USP15: variants seen among roughly 807,000 people sequenced by gnomAD.
USP15 encodes ubiquitin carboxyl-terminal hydrolase 15.
USP15 carries 18 observed loss-of-function variants against 127.1 expected under a neutral mutation model. The ratio of observed to expected loss-of-function variants is 0.14; its 90% CI spans 0.10 to 0.21. USP15 has a LOEUF of 0.21. Ranked by LOEUF, USP15 falls within the 10% of genes least tolerant of loss-of-function variation. The pLI is 1.00. For synonymous variants in USP15, 364 were observed against 393.7 expected, an observed-to-expected ratio of 0.92 and a Z score of 0.89; for missense variants, 805 against 1,159.9, an observed-to-expected ratio of 0.69 and a Z score of 4.44.
At chr12:62,375,549 A>G (rs2066800781) in intron 8 of USP15, among the ~76,000 whole-genome samples, 1 of 152,174 alleles carries the variant, frequency 6.6e-6, no homozygotes, top group Admixed American at 6.6e-5. Context: ...ACGGAGTTCG[A>G]GGTATCAAGT....
intron 20 of USP15, among the ~76,000 whole-genome samples, chr12:62,397,416 T>G (rs149645385): frequency 1.1e-3 from 166 of 152,370 alleles, no homozygotes; most frequent in African/African-American, 3.8e-3. Context: ...TTCAGTTTTC[T>G]TTTTCCTTTT....
At chr12:62,339,816 T>C (rs935503844) in intron 6 of USP15, among the ~76,000 whole-genome samples, 8 of 152,260 alleles carry the variant, frequency 5.3e-5, no homozygotes, top group Non-Finnish European at 1.2e-4. Flanking sequence ...TTTGCATCAA[T>C]GTGCATCAGG....
At chr12:62,265,584 T>A (rs1451454825) in intron 1 of USP15, among the ~76,000 whole-genome samples, 1 of 152,206 alleles carries the variant, frequency 6.6e-6, no homozygotes, top group Non-Finnish European at 1.5e-5. Context: ...TCTCGCTTCA[T>A]CACCCAGGCT....
intron 1 of USP15, among the ~76,000 whole-genome samples, chr12:62,289,164 A>G (rs960996832): frequency 1.3e-5 from 2 of 152,050 alleles, no homozygotes; most frequent in Non-Finnish European, 2.9e-5. Flanking sequence ...GATTGGTACA[A>G]GTTCTTTGTA....
In USP15 at chr12:62,391,440, G is replaced by T. The variant is rs563049787; in HGVS notation, c.2233+11G>T. On this transcript the variant is annotated intron_variant, in intron 16 of 21. Transcript: ENST00000280377. ...AGCTTAGGCTAGATGGTAAGTATTTGTGAAAAATGGCTTGAACATTAAACA... is the reference window on the plus strand; with the variant it reads ...AGCTTAGGCTAGATGGTAAGTATTTTTGAAAAATGGCTTGAACATTAAACA... The T allele has an allele frequency of 3.1e-6, 5 of 1,587,306 alleles. No homozygotes were observed. The highest frequency in any genetic ancestry group is 3.4e-6 in the Non-Finnish European group (4 of 1,172,184).
intron 1 of USP15, chr12:62,278,567 A>G (rs1325905729): frequency 6.6e-6 from 1 of 152,146 alleles, no homozygotes; most frequent in East Asian, 1.9e-4. Context: ...GGGCTTTTTT[A>G]GGTACATTAT....
intron 8 of USP15, among the ~76,000 whole-genome samples, chr12:62,366,187 G>A (rs1405819733): frequency 1.3e-5 from 2 of 152,176 alleles, no homozygotes; most frequent in Non-Finnish European, 2.9e-5. Context: ...CATGAGCATG[G>A]AATGTTTTTC....
At chr12:62,295,568 A>G (rs2064105899) in intron 2 of USP15, among the ~76,000 whole-genome samples, 1 of 152,246 alleles carries the variant, frequency 6.6e-6, no homozygotes, top group South Asian at 2.1e-4. Flanking sequence ...GTCAATCTTA[A>G]AAACAAATCT....
At chr12:62,369,568 T>C (rs2066594368) in intron 8 of USP15, among the ~76,000 whole-genome samples, 1 of 152,124 alleles carries the variant, frequency 6.6e-6, no homozygotes, top group Non-Finnish European at 1.5e-5. Context: ...ACCTAAAATA[T>C]CTTGAGCAAT....
chr12:62,266,004 G>A (rs1237614751), intron 1 of USP15, among the ~76,000 whole-genome samples: 6 of 152,092 alleles, frequency 3.9e-5, no homozygotes, highest in Non-Finnish European at 8.8e-5. Context: ...AGATATGATA[G>A]AACATGTAGG....
Position 62,389,804 on chromosome 12 carries a change from A to C in USP15, c.1660A>C (p.Ile554Leu). 1 of 1,608,838 alleles carries C rather than the reference A, an allele frequency of 6.2e-7. No individual in the cohort carries two copies. The highest frequency in any genetic ancestry group is 8.5e-7 in the Non-Finnish European group (1 of 1,177,234). Residue 554 changes from isoleucine (I) to leucine (L), a missense_variant, in exon 14 of 22, where the codon ATT becomes CTT. By Grantham distance (5) the Ile-to-Leu change is conservative. Around this residue, in one of 11 missense-constraint regions of USP15, gnomAD observed 82 missense variants for 104.4 expected, o/e 0.79. Coordinates refer to ENST00000280377, the MANE Select transcript of USP15 (RefSeq NM_001252078.2). ...MERDDIYVFE[I>L]NINRTEDTEH... ...TCAGTTTTGTCCTTGTAGGTTTGAA[A>C]TTAACATCAATAGGACAGAAGATAC...
chr12:62,402,565 CG>C (rs369300688), intron 21 of USP15, among the ~76,000 whole-genome samples: 10 of 151,860 alleles, frequency 6.6e-5, no homozygotes, highest in African/African-American at 2.2e-4. Flanking sequence ...GCAAAGAAAA[CG>C]GTATCTACAA....
chr12:62,352,168 T>C (rs2065985000), intron 7 of USP15, among the ~76,000 whole-genome samples: 2 of 151,842 alleles, frequency 1.3e-5, no homozygotes, highest in African/African-American at 2.4e-5. Context: ...CACTGATACA[T>C]TTCTAAGATA....
chr12:62,271,809 TG>T (rs1194969233), intron 1 of USP15, among the ~76,000 whole-genome samples: 1 of 151,964 alleles, frequency 6.6e-6, no homozygotes, highest in Non-Finnish European at 1.5e-5. Flanking sequence ...CAATCTTACT[TG>T]GCCTCCTTGA....
At position 62,335,125 on chromosome 12, in the gene USP15, A is replaced by G; in HGVS notation, c.683+9192A>G. 4.6e-6 allele frequency: 7 copies of G among 1,528,070 alleles called. No individual in the cohort carries two copies. In the Middle Eastern group the frequency reaches 6.7e-4, roughly 147 times the overall value. The allele number at this position is 1,528,070 out of a possible 1,614,324, so 94.7% of individuals were successfully genotyped here. A position where few individuals can be genotyped will look rare whatever the true frequency, so the allele number is the denominator to read the frequency against. On this transcript the variant is annotated intron_variant, in intron 6 of 21. Coordinates refer to ENST00000280377, the MANE Select transcript of USP15 (RefSeq NM_001252078.2). Reference sequence around the variant, plus strand: ...AGGTAAGTGGTTTGATGTCTAGTTAATGTATGATATTCTTAGCACTTTTTT... The same window carrying G: ...AGGTAAGTGGTTTGATGTCTAGTTAGTGTATGATATTCTTAGCACTTTTTT...
Position 62,408,539 on chromosome 12 carries a change from T to A in USP15, c.*4164T>A, listed in dbSNP as rs986308345. On this transcript the variant is annotated 3_prime_UTR_variant, in exon 22 of 22. Transcript: ENST00000280377. ...AGTAGAAGTTTTTGCTCATTTTTTT[T>A]GTTTGTTTTTACTTTACAAAAAAAT... 3.9e-5 allele frequency: 6 copies of A among 152,130 alleles called. No individual in the cohort carries two copies. Among genetic ancestry groups the A allele is most frequent in the Non-Finnish European group, 8.8e-5 (6 of 68,008 alleles). The allele number at this position is 152,130 out of a possible 1,614,324, so 9.4% of individuals were successfully genotyped here.
chr12:62,280,969 A>G (rs1050003971), intron 1 of USP15, among the ~76,000 whole-genome samples: 1 of 152,222 alleles, frequency 6.6e-6, no homozygotes. Flanking sequence ...AAGAAACTCA[A>G]AGTGAAAATT....
chr12:62,331,479 A>G (rs977102381), intron 6 of USP15, among the ~76,000 whole-genome samples: 2 of 152,210 alleles, frequency 1.3e-5, no homozygotes, highest in Non-Finnish European at 2.9e-5. Context: ...CAAAATATAA[A>G]TATAGTTAGC....
intron 6 of USP15, chr12:62,335,052 C>A: frequency 3.3e-6 from 3 of 910,240 alleles, no homozygotes; most frequent in Non-Finnish European, 3.3e-6. Context: ...TGTCTGAGGG[C>A]ACGATATGTT....
Sources: gnomAD v4.1 joint callset for allele counts (sites outside exome capture counted in the v4.1 genomes callset) on GRCh38, gnomAD v4.1.1 for gene constraint, gnomAD v4.1.1 regional missense constraint, MANE v1.5 for transcripts, NCBI Gene and HGNC (gene_info 2026-07-23, HGNC 2026-07-21) for gene names.